Variants in TMEM163 observed in about 807,000 individuals in gnomAD.
The protein encoded by TMEM163 is transmembrane protein 163.
In TMEM163, 17 loss-of-function variants were observed where a neutral mutation model predicts 29.3. The ratio of observed to expected loss-of-function variants is 0.58; its 90% CI spans 0.40 to 0.87. The LOEUF is 0.87. Among genes scored for constraint, TMEM163 ranks in the 40% least tolerant of loss-of-function variants. The pLI is 0.00. For synonymous variants in TMEM163, 157 were observed against 160.6 expected, an observed-to-expected ratio of 0.98 and a Z score of 0.17; for missense variants, 303 against 381.5, an observed-to-expected ratio of 0.79 and a Z score of 1.71.
At chr2:134,629,269 T>C (rs1160991435) in intron 2 of TMEM163, among the ~76,000 whole-genome samples, 1 of 152,230 alleles carries the variant, frequency 6.6e-6, no homozygotes, top group Non-Finnish European at 1.5e-5. Flanking sequence ...AGCAATGCAC[T>C]ATGCTGCCTC....
intron 2 of TMEM163, among the ~76,000 whole-genome samples, chr2:134,625,189 T>C (rs1682820771): frequency 6.6e-6 from 1 of 152,130 alleles, no homozygotes; most frequent in African/African-American, 2.4e-5. Context: ...AAGAAAAAGT[T>C]TGTGTCCACT....
At chr2:134,498,935 C>A (rs994269765) in intron 5 of TMEM163, among the ~76,000 whole-genome samples, 6 of 152,358 alleles carry the variant, frequency 3.9e-5, no homozygotes, top group African/African-American at 1.2e-4. Context: ...AGGTTCAAAT[C>A]CAGGCTCTGC....
chr2:134,673,809 C>G (rs1310469726), intron 2 of TMEM163, among the ~76,000 whole-genome samples: 3 of 152,200 alleles, frequency 2.0e-5, no homozygotes, highest in Non-Finnish European at 4.4e-5. Context: ...CTGCCAACAC[C>G]TTAACTTTAG....
chr2:134,519,129 G>GC (rs1335188855), intron 4 of TMEM163, among the ~76,000 whole-genome samples: 11 of 152,172 alleles, frequency 7.2e-5, no homozygotes, highest in Admixed American at 6.5e-4. Context: ...TGTTGTAGTA[G>GC]CCCACAATTC....
At chr2:134,625,387 G>A (rs1682826450) in intron 2 of TMEM163, among the ~76,000 whole-genome samples, 1 of 152,086 alleles carries the variant, frequency 6.6e-6, no homozygotes, top group Non-Finnish European at 1.5e-5. Context: ...CCTTTTTTCT[G>A]CCTAGAACTA....
chr2:134,580,666 C>A (rs547413695), intron 2 of TMEM163, among the ~76,000 whole-genome samples: 87 of 152,336 alleles, frequency 5.7e-4, no homozygotes, highest in African/African-American at 2.0e-3. Flanking sequence ...AATCCCAGCA[C>A]TTTGGGAGGC....
intron 2 of TMEM163, among the ~76,000 whole-genome samples, chr2:134,648,122 G>A (rs894509380): frequency 1.3e-5 from 2 of 152,144 alleles, no homozygotes; most frequent in African/African-American, 2.4e-5. Flanking sequence ...TATTGGCGAT[G>A]AAAGTGGCTC....
At chr2:134,510,552 A>C (rs545657940) in intron 4 of TMEM163, among the ~76,000 whole-genome samples, 1 of 152,304 alleles carries the variant, frequency 6.6e-6, no homozygotes, top group East Asian at 1.9e-4. Flanking sequence ...ATGACAGCTG[A>C]AAAGAATCAA....
chr2:134,703,774 T>C (rs1684750199), intron 2 of TMEM163, among the ~76,000 whole-genome samples: 1 of 141,958 alleles, frequency 7.0e-6, no homozygotes, highest in South Asian at 2.2e-4. Context: ...GAGGGGGAAA[T>C]AAGAGAGAGG....
At chr2:134,707,799 C>T (rs1403182952) in intron 2 of TMEM163, among the ~76,000 whole-genome samples, 4 of 151,460 alleles carry the variant, frequency 2.6e-5, no homozygotes, top group African/African-American at 7.3e-5. Context: ...ATGTGAGATC[C>T]GTGAGATGGG....
chr2:134,550,604 C>T lies in TMEM163; in HGVS notation c.424G>A (p.Ala142Thr). The change falls in exon 4 of 8, where the codon GCG (alanine) becomes ACG (threonine). Residue 142 changes from alanine to threonine, a missense_variant. Around this residue, in one of 2 missense-constraint regions of TMEM163, gnomAD observed 203 missense variants for 294.3 expected, o/e 0.69. Transcript: ENST00000281924. ...SAIVLWRYSN[A>T]AAVHSAHREY... ...CTATGGGCAGAGTGCACAGCGGCCG[C>T]GTTGCTGTAACGCCACAGGACAATC... is the stretch of plus-strand genomic sequence containing the variant. The T allele has an allele frequency of 6.2e-7, 1 of 1,614,148 alleles. No homozygotes were observed. Among genetic ancestry groups the T allele is most frequent in the South Asian group, 1.1e-5 (1 of 91,082 alleles).
chr2:134,638,206 T>C (rs909976623), intron 2 of TMEM163, among the ~76,000 whole-genome samples: 27 of 152,354 alleles, frequency 1.8e-4, no homozygotes, highest in Admixed American at 1.4e-3. Context: ...GGATATTCTA[T>C]GCATTATATT....
chr2:134,663,231 T>C (rs1375920595), intron 2 of TMEM163, among the ~76,000 whole-genome samples: 1 of 152,240 alleles, frequency 6.6e-6, no homozygotes, highest in Non-Finnish European at 1.5e-5. Context: ...TTCCTTATGA[T>C]AAACACTGAT....
intron 2 of TMEM163, among the ~76,000 whole-genome samples, chr2:134,579,781 C>T (rs1437791069): frequency 6.6e-6 from 1 of 152,148 alleles, no homozygotes; most frequent in Admixed American, 6.5e-5. Context: ...AAGTGAAATA[C>T]TCACAAAGTT....
intron 5 of TMEM163, among the ~76,000 whole-genome samples, chr2:134,499,748 C>A (rs1041526614): frequency 3.9e-5 from 6 of 152,210 alleles, no homozygotes; most frequent in Non-Finnish European, 8.8e-5. Context: ...ACAGTCACAG[C>A]TGGACAGAAA....
chr2:134,473,225 T>A (rs1574158264), intron 5 of TMEM163, among the ~76,000 whole-genome samples: 1 of 151,786 alleles, frequency 6.6e-6, no homozygotes, highest in East Asian at 1.9e-4. Context: ...AAAGAAATAA[T>A]AAACTTATGA....
At chr2:134,472,898 TA>T (rs1199458675) in intron 5 of TMEM163, among the ~76,000 whole-genome samples, 2 of 152,240 alleles carry the variant, frequency 1.3e-5, no homozygotes, top group African/African-American at 2.4e-5. Flanking sequence ...ACAATGGGAT[TA>T]AACTAGAAAT....
At position 134,628,100 on chromosome 2, in the gene TMEM163, G is replaced by A. The variant is rs190610668; in HGVS notation, c.323-76009C>T. On this transcript the variant is annotated intron_variant, in intron 2 of 7. Coordinates refer to ENST00000281924, the MANE Select transcript of TMEM163 (RefSeq NM_030923.5). ...TGGAAATGTGAGAGCAACCTTCTTG[G>A]GGACAATATTACAAAAACTGTCAAA... is the stretch of plus-strand genomic sequence containing the variant. Among the ~76,000 whole-genome samples, 21 of 152,158 alleles carry A rather than the reference G, an allele frequency of 1.4e-4. No individual in the cohort carries two copies. The East Asian group carries it at 4.0e-3, about 29-fold the overall frequency.
chr2:134,477,039 C>A (rs1471385053), intron 5 of TMEM163, among the ~76,000 whole-genome samples: 1 of 152,160 alleles, frequency 6.6e-6, no homozygotes, highest in Non-Finnish European at 1.5e-5. Context: ...GACTGCACAC[C>A]ACACCTACGT....
Sources: gnomAD v4.1 joint callset for allele counts (sites outside exome capture counted in the v4.1 genomes callset) on GRCh38, gnomAD v4.1.1 for gene constraint, gnomAD v4.1.1 regional missense constraint, MANE v1.5 for transcripts, NCBI Gene and HGNC (gene_info 2026-07-23, HGNC 2026-07-21) for gene names.